The following ZNF726 variants were observed in gnomAD, a reference collection of about 807,000 sequenced individuals.
ZNF726 encodes zinc finger protein 92 pseudogene 3.
ZNF726 carries 15 observed loss-of-function variants against 11.6 expected under a neutral mutation model. That is an observed-to-expected ratio of 1.29 (90% CI 0.86 to 1.99). The LOEUF (loss-of-function observed/expected upper bound fraction) is 1.99. Among genes scored for constraint, ZNF726 ranks in the 30% most tolerant of loss-of-function variants. The probability of loss-of-function intolerance (pLI) is 0.00; values close to 1 mark genes in which losing one functional copy is unlikely to be tolerated. For missense variants in ZNF726, 890 were observed against 725.6 expected, an observed-to-expected ratio of 1.23 and a Z score of -2.60; for synonymous variants, 295 against 243.6, an observed-to-expected ratio of 1.21 and a Z score of -1.96.
chr19:23,921,738 T>C (rs1236938614), intron 3 of ZNF726, among the ~76,000 whole-genome samples: 1 of 152,222 alleles, frequency 6.6e-6, no homozygotes, highest in Non-Finnish European at 1.5e-5. Context: ...ATTTTGCTAA[T>C]CAACTGAGTG....
At chr19:23,915,650 G>C (rs1303135366) in intron 1 of ZNF726, among the ~76,000 whole-genome samples, 1 of 151,532 alleles carries the variant, frequency 6.6e-6, no homozygotes, top group African/African-American at 2.4e-5. Flanking sequence ...TCGTGATCTC[G>C]GCTCACTGCA....
intron 1 of ZNF726, among the ~76,000 whole-genome samples, chr19:23,916,322 C>T (rs377592087): frequency 8.8e-5 from 13 of 147,950 alleles, no homozygotes; most frequent in African/African-American, 3.2e-4. Flanking sequence ...TTTAATGAAT[C>T]TTTTTTTTTT....
chr19:23,925,551 G>C (rs1240524460), intron 3 of ZNF726, among the ~76,000 whole-genome samples: 1 of 151,800 alleles, frequency 6.6e-6, no homozygotes, highest in Admixed American at 6.6e-5. Context: ...ATTGATAGTG[G>C]CCATTTAAAT....
chr19:23,937,146 C>T (rs1240499866), downstream of ZNF726, among the ~76,000 whole-genome samples: 5 of 150,454 alleles, frequency 3.3e-5, no homozygotes, highest in African/African-American at 1.2e-4. Flanking sequence ...GGCTGACCCC[C>T]CCACCTCCCT....
At chr19:23,941,305 A>G (rs557319865) in intron 3 of ZNF726, among the ~76,000 whole-genome samples, 165 of 152,288 alleles carry the variant, frequency 1.1e-3, no homozygotes, top group African/African-American at 3.8e-3. Context: ...GTGTTAAACC[A>G]TCCCTGCATC....
chr19:23,932,988 G>T lies in ZNF726; in HGVS notation c.872G>T (p.Gly291Val). ...AAACCCTGCAAATGTGAAGAATGTG[G>T]CAAAGCATTTAGCCAACCCTCAGCA... ...GEKPCKCEEC[G>V]KAFSQPSALT... The change falls in exon 4 of 4, where the codon GGC (glycine) becomes GTC (valine). Residue 291 changes from glycine (G) to valine (V), a missense_variant. Coordinates refer to ENST00000594466, the MANE Select transcript of ZNF726 (RefSeq NM_001244038.2). 1 of 1,612,450 alleles carries T rather than the reference G, an allele frequency of 6.2e-7. No homozygotes were observed. Among genetic ancestry groups the T allele is most frequent in the Non-Finnish European group, 8.5e-7 (1 of 1,179,816 alleles).
chr19:23,942,990 C>G (rs1057317362), intron 3 of ZNF726, among the ~76,000 whole-genome samples: 2 of 152,062 alleles, frequency 1.3e-5, no homozygotes, highest in Admixed American at 6.5e-5. Flanking sequence ...TCATCATGCT[C>G]TTTGTTGTCT....
Position 23,933,090 on chromosome 19 carries a change from C to T in ZNF726, c.974C>T (p.Ser325Phe), listed in dbSNP as rs1968151040. The T allele has an allele frequency of 1.2e-6, 2 of 1,612,120 alleles. No individual in the cohort carries two copies. The highest frequency in any genetic ancestry group is 2.2e-5 in the South Asian group (2 of 91,038). Residue 325 changes from serine (S) to phenylalanine (F), a missense_variant, in exon 4 of 4, where the codon TCC becomes TTC. Coordinates refer to ENST00000594466, the MANE Select transcript of ZNF726 (RefSeq NM_001244038.2). Reference protein sequence around the residue: ...CEECGKAFVWSSTLTRHKRLH... With the variant: ...CEECGKAFVWFSTLTRHKRLH... Reference sequence around the variant, plus strand: ...GAATGTGGCAAAGCATTTGTTTGGTCCTCAACCCTAACTAGACATAAGAGG... The same window carrying T: ...GAATGTGGCAAAGCATTTGTTTGGTTCTCAACCCTAACTAGACATAAGAGG...
chr19:23,916,335 TA>T (rs1318863599), intron 1 of ZNF726, among the ~76,000 whole-genome samples: 52 of 146,004 alleles, frequency 3.6e-4, no homozygotes, highest in Middle Eastern at 3.6e-3. Flanking sequence ...TTTTTTTTTT[TA>T]AAAGTATTTG....
downstream of ZNF726, among the ~76,000 whole-genome samples, chr19:23,934,652 G>T (rs1243483039): frequency 1.3e-5 from 2 of 152,106 alleles, no homozygotes; most frequent in East Asian, 3.9e-4. Context: ...GACCCCCAAG[G>T]GCTAAGGAAT....
downstream of ZNF726, chr19:23,935,997 A>C (rs965525438): frequency 3.3e-5 from 5 of 152,270 alleles, no homozygotes; most frequent in African/African-American, 1.2e-4. Flanking sequence ...ATCTTATTGT[A>C]CACATTTTGT....
chr19:23,922,319 C>T (rs529924348), intron 3 of ZNF726, among the ~76,000 whole-genome samples: 9 of 152,302 alleles, frequency 5.9e-5, no homozygotes, highest in African/African-American at 1.9e-4. Flanking sequence ...TCCCAGGTCA[C>T]TTTGGATTTC....
intron 1 of ZNF726, among the ~76,000 whole-genome samples, chr19:23,918,291 T>G (rs1967754148): frequency 6.6e-6 from 1 of 152,112 alleles, no homozygotes; most frequent in Admixed American, 6.6e-5. Flanking sequence ...GAAGAATAAT[T>G]TCTTACAGTA....
intron 1 of ZNF726, among the ~76,000 whole-genome samples, chr19:23,917,309 A>G (rs1040023809): frequency 6.6e-6 from 1 of 152,192 alleles, no homozygotes; most frequent in African/African-American, 2.4e-5. Context: ...AGGTAAGGAA[A>G]TATTTACAAA....
downstream of ZNF726, among the ~76,000 whole-genome samples, chr19:23,937,279 G>T (rs1223079631): frequency 6.6e-6 from 1 of 151,700 alleles, no homozygotes; most frequent in East Asian, 2.0e-4. Context: ...GGCCGGGCGG[G>T]GGGCTGACCC....
chr19:23,931,980 C>A (rs961498348), intron 3 of ZNF726, among the ~76,000 whole-genome samples: 2 of 152,104 alleles, frequency 1.3e-5, no homozygotes, highest in African/African-American at 4.8e-5. Flanking sequence ...AGTATTTTAC[C>A]TTTCTTTTAA....
intron 3 of ZNF726, among the ~76,000 whole-genome samples, chr19:23,924,820 AGT>A (rs1422166283): frequency 6.6e-6 from 1 of 152,070 alleles, no homozygotes; most frequent in African/African-American, 2.4e-5. Flanking sequence ...TGACGCTGGG[AGT>A]GTGAGGCTGC....
Position 23,933,868 on chromosome 19 carries a change from G to T in ZNF726, c.1752G>T (p.Lys584Asn), listed in dbSNP as rs773130128. 1.3e-6 allele frequency: 2 copies of T among 1,591,778 alleles called. No homozygotes were observed. Among genetic ancestry groups the T allele is most frequent in the Non-Finnish European group, 1.7e-6 (2 of 1,169,148 alleles). ...GATCCTCAAATCTTAGTACGCATAA[G>T]ATAATTCATACTGGAGAGAAACCTT... The part of the protein sequence containing the change: ...FNRSSNLSTH[K>N]IIHTGEKPYK... Residue 584 changes from lysine to asparagine, a missense_variant, in exon 4 of 4, where the codon AAG becomes AAT. Physicochemically the swap from Lys to Asn is moderately conservative, Grantham distance 94. Transcript: ENST00000594466.
At chr19:23,925,645 A>T (rs10416636) in intron 3 of ZNF726, among the ~76,000 whole-genome samples, 121,498 of 151,666 alleles carry the variant, frequency 0.8, 48,791 homozygotes, top group East Asian at 0.87. Context: ...AAATTTTTGA[A>T]GAAAATTTAT....
Sources: gnomAD v4.1 joint callset for allele counts (sites outside exome capture counted in the v4.1 genomes callset) on GRCh38, gnomAD v4.1.1 for gene constraint, MANE v1.5 for transcripts, NCBI Gene and HGNC (gene_info 2026-07-23, HGNC 2026-07-21) for gene names.